The following WDR62 variants were observed in gnomAD, a reference collection of about 807,000 sequenced individuals.
WDR62 encodes the protein WD repeat-containing protein 62.
Under a neutral mutation model 160.6 loss-of-function variants are expected in WDR62, and 112 were observed. The ratio of observed to expected loss-of-function variants is 0.70; its 90% confidence interval spans 0.60 to 0.82. The LOEUF (loss-of-function observed/expected upper bound fraction) is 0.82. Among genes scored for constraint, WDR62 ranks in the 40% least tolerant of loss-of-function variants. WDR62 has a pLI of 0.00. For synonymous variants in WDR62, 792 were observed against 815.1 expected (o/e 0.97, Z 0.48); for missense variants, 1,819 against 1,983.8 (o/e 0.92, Z 1.58).
At chr19:36,059,559 C>A (rs557482893) in intron 2 of WDR62, among the ~76,000 whole-genome samples, 1 of 152,286 alleles carries the variant, frequency 6.6e-6, no homozygotes, top group South Asian at 2.1e-4. Context: ...CCCATCTTCA[C>A]CTCCCATGTA....
intron 7 of WDR62, 51 bp from the exon 8 acceptor site, chr19:36,071,505 G>C (rs1020162865): frequency 2.5e-6 from 4 of 1,613,022 alleles, no homozygotes; most frequent in Non-Finnish European, 3.4e-6. Context: ...ATATCCCCGG[G>C]CCAGGCCACG....
chr19:36,099,403 G>A lies in WDR62; in HGVS notation c.2525G>A (p.Gly842Glu), dbSNP rs758661085. ...GACTGTCCGATATCCTTCAAGCTAG[G>A]GGACGATGATGTGGCAGATGGCTTG... ...KLPLWAKRLL[G>E]DDDVADGLAF... The change falls in exon 22 of 32, where the codon GGG becomes GAG. Residue 842 changes from glycine to glutamate, a missense_variant. Transcript: ENST00000401500. 3 of 1,613,438 alleles carry A rather than the reference G, an allele frequency of 1.9e-6. No individual in the cohort carries two copies. The highest frequency in any genetic ancestry group is 1.7e-6 in the Non-Finnish European group (2 of 1,179,950).
At chr19:36,083,319 G>A in intron 11 of WDR62, 78 bp downstream of exon 11, 1 of 1,434,636 alleles carries the variant, frequency 7.0e-7, no homozygotes, top group Non-Finnish European at 9.6e-7. Flanking sequence ...CAGAAGCCCT[G>A]GCCTTGGCAC....
chr19:36,102,248 G>C, intron 26 of WDR62, 97 bp downstream of exon 26: 2 of 1,561,820 alleles, frequency 1.3e-6, no homozygotes, highest in Non-Finnish European at 1.8e-6. Context: ...GGGCCAGGAG[G>C]GTGAGTGGAG....
At position 36,097,011 on chromosome 19, in the gene WDR62, T is replaced by A; in HGVS notation, c.2468-16T>A. The A allele has an allele frequency of 6.2e-7, 1 of 1,608,742 alleles. No individual in the cohort carries two copies. The highest frequency in any genetic ancestry group is 8.5e-7 in the Non-Finnish European group (1 of 1,177,572). ...GGGTTGTTTGTCCTCTTTTCATGGA[T>A]TCTGTGTCTTTCCAGATCCTCGTTG... On this transcript the variant is annotated splice_polypyrimidine_tract_variant and intron_variant, in intron 20 of 31. Coordinates refer to ENST00000401500, the MANE Select transcript of WDR62 (RefSeq NM_001083961.2).
Position 36,101,646 on chromosome 19 carries a change from C to G in WDR62, c.2972-18C>G. ...AATGGTCAGGCTGTGGGCTCCTGACCCCGACTCTGTCCTTCAGACTCGGGG... is the reference window on the plus strand; with the variant it reads ...AATGGTCAGGCTGTGGGCTCCTGACGCCGACTCTGTCCTTCAGACTCGGGG... On this transcript the variant is annotated intron_variant, in intron 24 of 31. Coordinates refer to ENST00000401500, the MANE Select transcript of WDR62 (RefSeq NM_001083961.2). The G allele has an allele frequency of 6.5e-7, 1 of 1,544,344 alleles. No individual in the cohort carries two copies. Among genetic ancestry groups the G allele is most frequent in the East Asian group, 2.4e-5 (1 of 40,868 alleles).
rs1973546545 is a variant in WDR62, at chr19:36,103,725, G to A, written c.3897G>A (p.Leu1299=). Residue 1299 remains leucine, a synonymous_variant, in exon 30 of 32, where the codon CTG becomes CTA. Coordinates refer to ENST00000401500, the MANE Select transcript of WDR62 (RefSeq NM_001083961.2). ...ACGAGGCCCGGGCCAACCTGAGACT[G>A]ACCCTGTCAAGTGCCTGTGATGGGC... ...GNHEARANLR[L]TLSSACDGLL... is the part of the protein sequence containing the mutation. 1.9e-6 allele frequency: 3 copies of A among 1,611,226 alleles called. No individual in the cohort carries two copies. The highest frequency in any genetic ancestry group is 4.5e-5 in the East Asian group (2 of 44,878).
intron 23 of WDR62, 145 bp from the exon 24 acceptor site, chr19:36,101,069 A>AG: frequency 3.5e-6 from 4 of 1,159,102 alleles, no homozygotes; most frequent in Non-Finnish European, 5.1e-6. Flanking sequence ...TGGGGGAAGG[A>AG]GGGGGCATTT....
rs1340272430 is a variant in WDR62 at position 36,054,955 on chromosome 19, C to T, written c.-17C>T. 6.3e-7 allele frequency: 1 copy of T among 1,576,840 alleles called. No individual in the cohort carries two copies. The highest frequency in any genetic ancestry group is 1.3e-5 in the African/African-American group (1 of 74,536). The stretch of plus-strand genomic sequence containing the variant: ...GGCGGTTAGGGGATGTAACGGTCGC[C>T]CGCCTCCGGCGTGACGATGGCGGCC... On this transcript the variant is annotated 5_prime_UTR_variant, in exon 1 of 32. Transcript: ENST00000401500.
chr19:36,068,602 A>G (rs1195231979), intron 7 of WDR62, among the ~76,000 whole-genome samples: 3 of 152,338 alleles, frequency 2.0e-5, no homozygotes, highest in Non-Finnish European at 4.4e-5. Context: ...AACAAAGCAC[A>G]TCTTGCACCG....
chr19:36,081,377 G>GTCAGTTTC, intron 9 of WDR62, 56 bp from the exon 10 acceptor site: 1 of 1,601,948 alleles, frequency 6.2e-7, no homozygotes, highest in South Asian at 1.1e-5. Flanking sequence ...AAATGCAACA[G>GTCAGTTTC]TAAGTCATAG....
At position 36,055,002 on chromosome 19, in the gene WDR62, C is replaced by T. The variant is rs763721940; in HGVS notation, c.31C>T (p.Arg11Trp). 21 of 1,607,368 alleles carry T rather than the reference C, an allele frequency of 1.3e-5. 1 individual carries two copies. The South Asian group carries it at 2.2e-4, about 17-fold the overall frequency. The change falls in exon 1 of 32, where the codon CGG becomes TGG. Residue 11 changes from arginine (R) to tryptophan (W), a missense_variant. Transcript: ENST00000401500. MAAVGSGGYA[R>W]NDAGEKLPSV... is the part of the protein sequence containing the mutation. ...GGCCGTAGGGTCCGGAGGCTATGCGCGGAACGATGCAGGGGAGAAGCTGCC... is the reference window on the plus strand; with the variant it reads ...GGCCGTAGGGTCCGGAGGCTATGCGTGGAACGATGCAGGGGAGAAGCTGCC...
intron 19 of WDR62, among the ~76,000 whole-genome samples, chr19:36,093,099 A>T (rs1006313530): frequency 4.6e-5 from 7 of 152,228 alleles, no homozygotes; most frequent in African/African-American, 1.7e-4. Flanking sequence ...GGCCTCACAA[A>T]GTGCTGGGAT....
At chr19:36,090,631 A>C (rs1378354958) in intron 16 of WDR62, 111 bp downstream of exon 16, 43 of 991,728 alleles carry the variant, frequency 4.3e-5, no homozygotes, top group Non-Finnish European at 6.9e-5. Flanking sequence ...CGCGCTGCCC[A>C]GCACCTTCTC....
chr19:36,066,557 C>G (rs1970954130), intron 5 of WDR62, 130 bp downstream of exon 5: 5 of 982,638 alleles, frequency 5.1e-6, no homozygotes, highest in Non-Finnish European at 7.7e-6. Context: ...AGCTATTGAG[C>G]ACCTGTGACA....
chr19:36,058,719 C>T (rs1436622191), intron 1 of WDR62, 61 bp from the exon 2 acceptor site: 14 of 1,408,906 alleles, frequency 9.9e-6, no homozygotes, highest in Admixed American at 8.6e-5. Context: ...GTGGCCAAGG[C>T]GGCTGCACCA....
At position 36,101,793 on chromosome 19, in the gene WDR62, C is replaced by G; in HGVS notation, c.3082+19C>G. The G allele has an allele frequency of 6.5e-7, 1 of 1,544,488 alleles. No individual in the cohort carries two copies. The highest frequency in any genetic ancestry group is 8.8e-7 in the Non-Finnish European group (1 of 1,140,810). On this transcript the variant is annotated intron_variant, in intron 25 of 31. Coordinates refer to ENST00000401500, the MANE Select transcript of WDR62 (RefSeq NM_001083961.2). ...TTCCCAGGTAAGCAGGGGCCAGACA[C>G]GCAGGGGACTCGCTGCTCGGGCCTG...
intron 21 of WDR62, 147 bp downstream of exon 21, chr19:36,097,226 T>C (rs1599833354): frequency 2.6e-6 from 2 of 780,070 alleles, no homozygotes; most frequent in African/African-American, 3.4e-5. Flanking sequence ...GACAGCCCTT[T>C]GTTCATGATC....
chr19:36,107,526 A>G (rs972718531), downstream of WDR62, among the ~76,000 whole-genome samples: 1 of 151,966 alleles, frequency 6.6e-6, no homozygotes, highest in African/African-American at 2.4e-5. Flanking sequence ...TCCAACCAGG[A>G]GCAAAGGCAC....
Sources: allele counts gnomAD v4.1 joint callset (sites outside exome capture counted in the v4.1 genomes callset), GRCh38; gene constraint gnomAD v4.1.1; transcripts MANE v1.5; gene names NCBI Gene and HGNC (gene_info 2026-07-23, HGNC 2026-07-21).